Variants in DGKI observed in about 807,000 individuals in gnomAD.
DGKI encodes DAG kinase iota.
A neutral mutation model predicts 147.5 loss-of-function variants in DGKI; 55 were observed. That is an observed-to-expected ratio of 0.37 (90% CI 0.30 to 0.47). The LOEUF is 0.47. Ranked by LOEUF, DGKI falls within the 20% of genes least tolerant of loss-of-function variation. The pLI, the probability that DGKI is intolerant of heterozygous loss-of-function variation, is 1.00. For synonymous variants in DGKI, 469 were observed against 477.1 expected (o/e 0.98, Z 0.22); for missense variants, 1,007 against 1,323.8 (o/e 0.76, Z 3.71).
chr7:137,528,090 G>T (rs990400446), intron 20 of DGKI, among the ~76,000 whole-genome samples: 1 of 152,126 alleles, frequency 6.6e-6, no homozygotes, highest in Admixed American at 6.6e-5. Flanking sequence ...AAATTCCTCT[G>T]CAACTGTACA....
chr7:137,568,932 A>AC, intron 19 of DGKI, among the ~76,000 whole-genome samples: 1 of 151,760 alleles, frequency 6.6e-6, no homozygotes, highest in Middle Eastern at 3.4e-3. Flanking sequence ...AAAAAAAAAC[A>AC]CCCATACCAG....
At chr7:137,735,266 C>G (rs903270531) in intron 1 of DGKI, among the ~76,000 whole-genome samples, 2 of 152,272 alleles carry the variant, frequency 1.3e-5, no homozygotes, top group South Asian at 4.1e-4. Context: ...CTGCCTCATA[C>G]TTTTGTTTTA....
intron 1 of DGKI, among the ~76,000 whole-genome samples, chr7:137,814,461 C>G (rs1001385794): frequency 6.6e-6 from 1 of 152,050 alleles, no homozygotes; most frequent in Non-Finnish European, 1.5e-5. Flanking sequence ...TTTTCCCACC[C>G]ATCTATGTTT....
intron 1 of DGKI, among the ~76,000 whole-genome samples, chr7:137,819,689 C>T (rs1423073543): frequency 1.3e-5 from 2 of 152,154 alleles, no homozygotes; most frequent in African/African-American, 4.8e-5. Flanking sequence ...TCTGCACAGC[C>T]CAGCACAACT....
intron 28 of DGKI, among the ~76,000 whole-genome samples, chr7:137,429,468 A>G (rs1273536804): frequency 6.6e-6 from 1 of 150,700 alleles, no homozygotes; most frequent in Non-Finnish European, 1.5e-5. Flanking sequence ...AAACCTAGGC[A>G]TTACCATTCA....
intron 20 of DGKI, among the ~76,000 whole-genome samples, chr7:137,551,543 C>T (rs1250315776): frequency 6.6e-6 from 1 of 152,078 alleles, no homozygotes; most frequent in East Asian, 1.9e-4. Context: ...CCTGAAATGG[C>T]CTTAAGCACA....
rs1239090873 is a variant in DGKI at position 137,846,761 on chromosome 7, G to A, written c.102C>T (p.Pro34=). ...AAAAAAAASP[P]GPCSGAACAP... is the part of the protein sequence containing the mutation. Reference sequence around the variant, plus strand: ...CGCAGGCGGCGCCGCTGCAGGGGCCGGGCGGGCTGGCGGCGGCGGCGGCGG... The same window carrying A: ...CGCAGGCGGCGCCGCTGCAGGGGCCAGGCGGGCTGGCGGCGGCGGCGGCGG... The change falls in exon 1 of 33, where the codon CCC becomes CCT. Residue 34 remains proline (P), a synonymous_variant. Coordinates refer to ENST00000614521, the MANE Select transcript of DGKI (RefSeq NM_001321708.2). The surrounding 1 kb of genome is among the most constrained non-coding windows in gnomAD (Gnocchi z 4.0). 9 of 1,032,542 alleles carry A rather than the reference G, an allele frequency of 8.7e-6. No individual in the cohort carries two copies. The highest frequency in any genetic ancestry group is 5.7e-5 in the Admixed American group (1 of 17,392). The allele number at this position is 1,032,542 out of a possible 1,614,324, so 64.0% of individuals were successfully genotyped here. A position where few individuals can be genotyped will look rare whatever the true frequency, so the allele number is the denominator to read the frequency against.
intron 17 of DGKI, among the ~76,000 whole-genome samples, chr7:137,576,252 G>A (rs1818971479): frequency 1.3e-5 from 2 of 151,830 alleles, no homozygotes; most frequent in Admixed American, 1.3e-4. Context: ...TGCCCAGGCT[G>A]CTCTCGAACT....
chr7:137,647,567 G>A (rs1201288483), intron 5 of DGKI, among the ~76,000 whole-genome samples: 1 of 152,136 alleles, frequency 6.6e-6, no homozygotes, highest in Non-Finnish European at 1.5e-5. Context: ...GACAATTCTG[G>A]GTCCTGTGGC....
At chr7:137,651,949 C>G (rs1316849996) in intron 5 of DGKI, among the ~76,000 whole-genome samples, 6 of 152,078 alleles carry the variant, frequency 3.9e-5, no homozygotes, top group Non-Finnish European at 8.8e-5. Context: ...AAAAAAGAAG[C>G]AATTTCAGTA....
At chr7:137,811,747 C>T (rs1797590897) in intron 1 of DGKI, among the ~76,000 whole-genome samples, 1 of 152,192 alleles carries the variant, frequency 6.6e-6, no homozygotes, top group African/African-American at 2.4e-5. Context: ...GAACTACAGC[C>T]TAATCTCAGA....
chr7:137,714,237 T>A (rs1794305838), intron 1 of DGKI, among the ~76,000 whole-genome samples: 1 of 152,216 alleles, frequency 6.6e-6, no homozygotes, highest in African/African-American at 2.4e-5. Context: ...TAAATTCATA[T>A]CCTTTATAGA....
intron 3 of DGKI, among the ~76,000 whole-genome samples, chr7:137,673,390 T>C (rs1430299654): frequency 6.6e-6 from 1 of 152,132 alleles, no homozygotes; most frequent in Non-Finnish European, 1.5e-5. Context: ...TCTGGTTGTT[T>C]GTTTTTGACA....
Position 137,775,231 on chromosome 7 carries a change from A to G in DGKI, c.401+71231T>C, listed in dbSNP as rs185929707. On this transcript the variant is annotated intron_variant, in intron 1 of 32. Transcript: ENST00000614521. ...CCAAAGATTAAGTCACGAAGCTATGATCTTTAAAGCTTAGAAAAAAGCAAA... is the reference window on the plus strand; with the variant it reads ...CCAAAGATTAAGTCACGAAGCTATGGTCTTTAAAGCTTAGAAAAAAGCAAA... Among the ~76,000 whole-genome samples the G allele has an allele frequency of 4.2e-4, 64 of 152,280 alleles. 2 individuals are homozygous for G. The highest frequency in any genetic ancestry group is 3.3e-3 in the Admixed American group (50 of 15,288).
chr7:137,464,134 G>C (rs566687451), intron 26 of DGKI, among the ~76,000 whole-genome samples: 18 of 151,892 alleles, frequency 1.2e-4, no homozygotes, highest in African/African-American at 4.3e-4. Flanking sequence ...GCAGGCGCCT[G>C]TAGTCCCAGC....
chr7:137,632,858 C>T (rs1268503042), intron 6 of DGKI, among the ~76,000 whole-genome samples: 1 of 146,800 alleles, frequency 6.8e-6, no homozygotes, highest in Non-Finnish European at 1.5e-5. Context: ...GACTCTGTCT[C>T]AAATAAATAA....
chr7:137,768,609 C>G (rs1488404984), intron 1 of DGKI, among the ~76,000 whole-genome samples: 1 of 152,138 alleles, frequency 6.6e-6, no homozygotes. Flanking sequence ...GGGAGGCAAC[C>G]CGACTGCATG....
intron 1 of DGKI, among the ~76,000 whole-genome samples, chr7:137,709,558 T>C (rs1794154130): frequency 6.6e-6 from 1 of 152,192 alleles, no homozygotes; most frequent in South Asian, 2.1e-4. Context: ...TTCTCTAGGT[T>C]ATCCAACAGA....
chr7:137,844,427 G>A (rs369400634), intron 1 of DGKI, among the ~76,000 whole-genome samples: 5 of 152,278 alleles, frequency 3.3e-5, no homozygotes, highest in East Asian at 1.9e-4. Context: ...CATAAACATC[G>A]CCTGAGGAGC....
Sources: allele counts gnomAD v4.1 joint callset (sites outside exome capture counted in the v4.1 genomes callset), GRCh38; gene constraint gnomAD v4.1.1; non-coding constraint Gnocchi (gnomAD v3.1); transcripts MANE v1.5; gene names NCBI Gene and HGNC (gene_info 2026-07-23, HGNC 2026-07-21).